Variants in KDM4B observed in about 807,000 individuals in gnomAD.
KDM4B encodes lysine demethylase 4B, also known as lysine-specific demethylase 4B.
A neutral mutation model predicts 125.2 loss-of-function variants in KDM4B; 32 were observed. The observed-to-expected ratio is 0.26, with a 90% CI of 0.19 to 0.34. The LOEUF is 0.34. Among genes scored for constraint, KDM4B ranks in the 10% least tolerant of loss-of-function variants. KDM4B has a pLI of 1.00. For synonymous variants in KDM4B, 721 were observed against 677.9 expected, an observed-to-expected ratio of 1.06 and a Z score of -0.99; for missense variants, 1,190 against 1,577.7, an observed-to-expected ratio of 0.75 and a Z score of 4.16.
At chr19:4,986,015 C>T (rs1478465393) in intron 1 of KDM4B, among the ~76,000 whole-genome samples, 1 of 152,242 alleles carries the variant, frequency 6.6e-6, no homozygotes, top group East Asian at 1.9e-4. Flanking sequence ...CTGAGCTTCT[C>T]TTTTAGCCTG....
intron 1 of KDM4B, among the ~76,000 whole-genome samples, chr19:4,988,872 G>A (rs1287616387): frequency 6.6e-6 from 1 of 152,094 alleles, no homozygotes; most frequent in Non-Finnish European, 1.5e-5. Flanking sequence ...GGGTGATCAA[G>A]TCAGCCTTCA....
At position 5,114,420 on chromosome 19, in the gene KDM4B, C is replaced by CCTGCCAGGG. The variant is rs1333586616; in HGVS notation, c.1115+3609_1115+3617dup. On this transcript the variant is annotated intron_variant, in intron 10 of 22. Transcript: ENST00000159111. The surrounding 1 kb of genome is among the most constrained non-coding windows in gnomAD (Gnocchi z 5.8). The stretch of plus-strand genomic sequence containing the variant: ...CACCGCCACGCCTCTGGCCCCGACT[C>CCTGCCAGGG]CTGCCAGGGCTGCCACGGCTGCCAC... The CCTGCCAGGG allele has an allele frequency of 7.0e-6, 3 of 429,468 alleles. No homozygotes were observed. The Admixed American group carries it at 7.8e-5, about 11-fold the overall frequency. The allele number at this position is 429,468 out of a possible 1,614,324, so 26.6% of individuals were successfully genotyped here.
In KDM4B at chr19:5,114,821, G is replaced by A. The variant is rs1468585054; in HGVS notation, c.1115+4003G>A. Among the ~76,000 whole-genome samples, 1 of 152,226 alleles carries A rather than the reference G, an allele frequency of 6.6e-6. No individual in the cohort carries two copies. Among genetic ancestry groups the A allele is most frequent in the East Asian group, 1.9e-4 (1 of 5,184 alleles). ...CCTGTGTTACTGGGTGACAGGGCCAGAGGCCGTCCACCCCGCCTCCTGCCA... is the reference window on the plus strand; with the variant it reads ...CCTGTGTTACTGGGTGACAGGGCCAAAGGCCGTCCACCCCGCCTCCTGCCA... On this transcript the variant is annotated intron_variant, in intron 10 of 22. Transcript: ENST00000159111. The surrounding 1 kb of genome is among the most constrained non-coding windows in gnomAD (Gnocchi z 5.8).
chr19:5,058,365 G>A (rs942860227), intron 6 of KDM4B, among the ~76,000 whole-genome samples: 1 of 152,220 alleles, frequency 6.6e-6, no homozygotes, highest in Admixed American at 6.5e-5. Context: ...TGCCAGGCCC[G>A]GGAGCCCTTG....
At position 5,135,427 on chromosome 19, in the gene KDM4B, G is replaced by A. The variant is rs150684218; in HGVS notation, c.2174G>A (p.Arg725Gln). The A allele has an allele frequency of 6.0e-5, 97 of 1,613,536 alleles. No homozygotes were observed. The highest frequency in any genetic ancestry group is 1.6e-4 in the Middle Eastern group (1 of 6,084). Residue 725 changes from arginine (R) to glutamine (Q), a missense_variant, in exon 15 of 23, where the codon CGA (arginine) becomes CAA (glutamine). Physicochemically the swap from Arg to Gln is conservative, Grantham distance 43 (BLOSUM62 1). Coordinates refer to ENST00000159111, the MANE Select transcript of KDM4B (RefSeq NM_015015.3). ...TLPSKSRQKT[R>Q]PLIPEMCFTS... ...CCCTCCAAAAGCCGTCAGAAGACCC[G>A]ACCGCTCATCCCTGAGATGTGCTTC...
intron 4 of KDM4B, 146 bp from the exon 5 acceptor site, chr19:5,040,991 C>T (rs1057476961): frequency 2.3e-5 from 12 of 525,286 alleles, no homozygotes; most frequent in African/African-American, 5.9e-5. Context: ...AAGCAGGTTG[C>T]GTGGTACCCT....
In KDM4B at chr19:5,081,535, C is replaced by G. The variant is rs766344012; in HGVS notation, c.781-832C>G. ...GGTCTGGGGTCATTGTGGGCCCCAC[C>G]CCAGCCACGCACGCCTCGGCTCCTC... On this transcript the variant is annotated intron_variant, in intron 8 of 22. Transcript: ENST00000159111. The surrounding 1 kb of genome is among the most constrained non-coding windows in gnomAD (Gnocchi z 4.2). Among the ~76,000 whole-genome samples, 2 of 152,118 alleles carry G rather than the reference C, an allele frequency of 1.3e-5. No homozygotes were observed. The highest frequency in any genetic ancestry group is 2.1e-4 in the South Asian group (1 of 4,824).
chr19:5,092,766 T>A (rs11670077), intron 9 of KDM4B, among the ~76,000 whole-genome samples: 25,429 of 152,122 alleles, frequency 0.17, 2,773 homozygotes, highest in Admixed American at 0.31. Context: ...AGGAGGGGGC[T>A]CGCAGGGCCT....
chr19:5,048,094 G>A (rs1210147471), intron 6 of KDM4B, among the ~76,000 whole-genome samples: 1 of 152,222 alleles, frequency 6.6e-6, no homozygotes, highest in Non-Finnish European at 1.5e-5. Flanking sequence ...CTCCCTCGCA[G>A]TCTCCGCCCT....
intron 21 of KDM4B, among the ~76,000 whole-genome samples, chr19:5,147,681 T>G (rs527584938): frequency 2.7e-5 from 4 of 149,724 alleles, no homozygotes; most frequent in African/African-American, 9.9e-5. Context: ...AGGTTGAGGA[T>G]TCAGTGATCC....
At chr19:5,030,668 A>G (rs1212023733) in intron 2 of KDM4B, among the ~76,000 whole-genome samples, 1 of 152,252 alleles carries the variant, frequency 6.6e-6, no homozygotes, top group Non-Finnish European at 1.5e-5. Flanking sequence ...TCATGCGGTC[A>G]TGGCAGTGCC....
rs561382318 is a variant in KDM4B at position 5,119,811 on chromosome 19, C to T, written c.1274C>T (p.Pro425Leu). The T allele has an allele frequency of 4.9e-5, 76 of 1,543,486 alleles. No individual in the cohort carries two copies. The highest frequency in any genetic ancestry group is 3.3e-4 in the South Asian group (27 of 83,040). Residue 425 changes from proline (P) to leucine (L), a missense_variant, in exon 11 of 23, where the codon CCG becomes CTG. Physicochemically the swap from Pro to Leu is moderately conservative, Grantham distance 98 (BLOSUM62 -3). Around this residue, in one of 7 missense-constraint regions of KDM4B, gnomAD observed 428 missense variants for 405.1 expected, o/e 1.06. Transcript: ENST00000159111. ...EVDPEEEEEE[P>L]QPLPHGREAE... ...GACCCCGAGGAGGAGGAGGAGGAGC[C>T]GCAGCCACTGCCACACGGCCGGGAG... is the stretch of plus-strand genomic sequence containing the variant.
At position 5,015,841 on chromosome 19, in the gene KDM4B, C is replaced by G. The variant is rs372196016; in HGVS notation, c.-108-416C>G. Among the ~76,000 whole-genome samples, 46 of 152,344 alleles carry G rather than the reference C, an allele frequency of 3.0e-4. No individual in the cohort carries two copies. In the South Asian group the frequency reaches 8.5e-3, roughly 28 times the overall value. On this transcript the variant is annotated intron_variant, in intron 1 of 22. Coordinates refer to ENST00000159111, the MANE Select transcript of KDM4B (RefSeq NM_015015.3). ...CCTGTGCGGTCGCAGCCCCTGCCCC[C>G]CTCTCTCCCCGTGCTCTGCCTCTTG...
At chr19:5,125,455 G>T (rs961209452) in intron 11 of KDM4B, among the ~76,000 whole-genome samples, 1 of 152,218 alleles carries the variant, frequency 6.6e-6, no homozygotes, top group Non-Finnish European at 1.5e-5. Flanking sequence ...AGCCTACACC[G>T]CGTGGGAGGG....
intron 21 of KDM4B, among the ~76,000 whole-genome samples, chr19:5,146,039 C>A (rs745912585): frequency 3.5e-4 from 53 of 152,154 alleles, no homozygotes; most frequent in African/African-American, 1.1e-3. Flanking sequence ...ACCCCTACCC[C>A]CCGCCGTGCA....
intron 2 of KDM4B, among the ~76,000 whole-genome samples, chr19:5,025,474 G>A (rs1028401027): frequency 1.3e-5 from 2 of 152,242 alleles, no homozygotes; most frequent in Admixed American, 1.3e-4. Context: ...TGCCCTGGAA[G>A]CCAGCCCTGC....
chr19:5,146,954 A>AC (rs1366441769), intron 21 of KDM4B, among the ~76,000 whole-genome samples: 1 of 150,384 alleles, frequency 6.6e-6, no homozygotes, highest in East Asian at 1.9e-4. Context: ...AAAAAAAAAA[A>AC]AAAAAAAACA....
At chr19:5,085,474 G>A (rs11670830) in intron 9 of KDM4B, among the ~76,000 whole-genome samples, 46,783 of 152,178 alleles carry the variant, frequency 0.31, 9,038 homozygotes, top group East Asian at 0.9. Flanking sequence ...GCAGCGGGGC[G>A]GTGGGGACTG....
At chr19:4,978,616 C>T (rs566626235) in intron 1 of KDM4B, among the ~76,000 whole-genome samples, 2 of 151,830 alleles carry the variant, frequency 1.3e-5, no homozygotes, top group African/African-American at 4.8e-5. Flanking sequence ...CCCCTCTAGC[C>T]ACGGGTGTCC....
Sources: gnomAD v4.1 joint callset for allele counts (sites outside exome capture counted in the v4.1 genomes callset) on GRCh38, gnomAD v4.1.1 for gene constraint, gnomAD v4.1.1 regional missense constraint, Gnocchi (gnomAD v3.1) non-coding constraint, MANE v1.5 for transcripts, NCBI Gene and HGNC (gene_info 2026-07-23, HGNC 2026-07-21) for gene names.